NSMCE2: variants seen among roughly 807,000 people sequenced by gnomAD.
NSMCE2 encodes E3 SUMO-protein ligase NSE2.
Under a neutral mutation model 23.8 loss-of-function variants are expected in NSMCE2, and 24 were observed. The observed-to-expected ratio is 1.01, with a 90% confidence interval of 0.73 to 1.42. The LOEUF (loss-of-function observed/expected upper bound fraction) is 1.42. Ranked by LOEUF, NSMCE2 falls within the 40% of genes most tolerant of loss-of-function variation. NSMCE2 has a pLI of 0.00. For synonymous variants in NSMCE2, 92 were observed against 94.1 expected, an observed-to-expected ratio of 0.98 and a Z score of 0.13; for missense variants, 284 against 296.5, an observed-to-expected ratio of 0.96 and a Z score of 0.31.
At position 125,301,816 on chromosome 8, in the gene NSMCE2, A is replaced by G. The variant is rs558883999; in HGVS notation, c.419-55403A>G. On this transcript the variant is annotated intron_variant, in intron 5 of 7. Transcript: ENST00000287437. Reference sequence around the variant, plus strand: ...TAGCTGGGATTATAGGCACCAACCAACCATGCCCGGCTAATTTTTGTAGTT... The same window carrying G: ...TAGCTGGGATTATAGGCACCAACCAGCCATGCCCGGCTAATTTTTGTAGTT... Among the ~76,000 whole-genome samples the G allele has an allele frequency of 8.6e-5, 13 of 151,974 alleles. 1 individual carries two copies. The South Asian group carries it at 2.3e-3, about 27-fold the overall frequency.
At chr8:125,175,844 T>G (rs1822459670) in intron 4 of NSMCE2, among the ~76,000 whole-genome samples, 1 of 152,236 alleles carries the variant, frequency 6.6e-6, no homozygotes, top group Admixed American at 6.5e-5. Context: ...ATAAATACAT[T>G]TAATATTTGT....
At chr8:125,310,416 G>A (rs533138440) in intron 5 of NSMCE2, among the ~76,000 whole-genome samples, 12 of 152,242 alleles carry the variant, frequency 7.9e-5, no homozygotes, top group African/African-American at 2.6e-4. Flanking sequence ...GTTTGAAAGA[G>A]TACCTACCAT....
chr8:125,258,526 G>A (rs574911358), intron 5 of NSMCE2, among the ~76,000 whole-genome samples: 64 of 151,902 alleles, frequency 4.2e-4, no homozygotes, highest in Non-Finnish European at 8.5e-4. Flanking sequence ...TAGGAAAGCA[G>A]CCTCAGCCTG....
intron 1 of NSMCE2, among the ~76,000 whole-genome samples, chr8:125,094,808 GGAGA>G (rs764426636): frequency 6.6e-6 from 1 of 151,502 alleles, no homozygotes; most frequent in Non-Finnish European, 1.5e-5. Context: ...CACATGGTAG[GGAGA>G]GAGAGAGAGA....
intron 5 of NSMCE2, among the ~76,000 whole-genome samples, chr8:125,338,723 C>G (rs191874494): frequency 2.0e-5 from 3 of 152,206 alleles, no homozygotes; most frequent in Admixed American, 1.3e-4. Context: ...GGCAGCCTAC[C>G]CTTTCAAAAT....
In NSMCE2 at chr8:125,231,988, C is replaced by T. The variant is rs80345848; in HGVS notation, c.418+49732C>T. 9.8e-4 allele frequency among the ~76,000 whole-genome samples: 149 copies of T among 152,278 alleles called. 2 individuals carry two copies. In the East Asian group the frequency reaches 0.027, roughly 27 times the overall value. On this transcript the variant is annotated intron_variant, in intron 5 of 7. Transcript: ENST00000287437. ...AAAGTCACCTGACTCCTCTGAACCT[C>T]GTGTTTCTTTTTCATAAATTAGAAT...
intron 5 of NSMCE2, among the ~76,000 whole-genome samples, chr8:125,283,652 A>G (rs893326539): frequency 2.6e-5 from 4 of 152,226 alleles, no homozygotes; most frequent in African/African-American, 9.6e-5. Flanking sequence ...ATGAAATGCA[A>G]TTATGTATCA....
At chr8:125,109,117 G>A (rs895222017) in intron 3 of NSMCE2, among the ~76,000 whole-genome samples, 3 of 152,208 alleles carry the variant, frequency 2.0e-5, no homozygotes, top group African/African-American at 7.2e-5. Flanking sequence ...TTTGATTTGT[G>A]TGCTATGTAT....
At chr8:125,249,507 A>C (rs1826121494) in intron 5 of NSMCE2, among the ~76,000 whole-genome samples, 1 of 152,218 alleles carries the variant, frequency 6.6e-6, no homozygotes, top group Admixed American at 6.5e-5. Flanking sequence ...CACTTTGAAA[A>C]AATTTTGGGC....
At chr8:125,121,420 GT>G (rs1485514565) in intron 3 of NSMCE2, among the ~76,000 whole-genome samples, 1 of 152,156 alleles carries the variant, frequency 6.6e-6, no homozygotes, top group African/African-American at 2.4e-5. Flanking sequence ...TTAGGTAATT[GT>G]TAGCATTTTA....
intron 5 of NSMCE2, among the ~76,000 whole-genome samples, chr8:125,229,380 A>G (rs920452578): frequency 1.3e-5 from 2 of 152,172 alleles, no homozygotes; most frequent in Admixed American, 6.5e-5. Flanking sequence ...TTGAGCATGT[A>G]TCCCATACAA....
At chr8:125,130,875 C>T (rs966729345) in intron 3 of NSMCE2, among the ~76,000 whole-genome samples, 9 of 152,330 alleles carry the variant, frequency 5.9e-5, no homozygotes, top group African/African-American at 1.9e-4. Flanking sequence ...GTCCACTGTA[C>T]ATTTGCTTCT....
At position 125,150,214 on chromosome 8, in the gene NSMCE2, TTCA is replaced by T. The variant is rs779867637; in HGVS notation, c.158-954_158-952del. ...GGCAGCAGGGAGAGATTACTTTTGGTTCATCTTTATACAAAGAGTTGGGATCTC... is the reference window on the plus strand; with the variant it reads ...GGCAGCAGGGAGAGATTACTTTTGGTTCTTTATACAAAGAGTTGGGATCTC... On this transcript the variant is annotated intron_variant, in intron 3 of 7. Coordinates refer to ENST00000287437, the MANE Select transcript of NSMCE2 (RefSeq NM_173685.4). Among the ~76,000 whole-genome samples the T allele has an allele frequency of 1.6e-4, 25 of 152,290 alleles. 1 individual carries two copies. In the East Asian group the frequency reaches 2.5e-3, roughly 15 times the overall value.
At chr8:125,293,650 G>A (rs1828203970) in intron 5 of NSMCE2, among the ~76,000 whole-genome samples, 1 of 136,822 alleles carries the variant, frequency 7.3e-6, no homozygotes, top group Admixed American at 7.0e-5. Context: ...TGAGGTTGCT[G>A]AGACTTTTGA....
intron 1 of NSMCE2, among the ~76,000 whole-genome samples, chr8:125,101,537 C>G (rs1818188893): frequency 6.6e-6 from 1 of 152,210 alleles, no homozygotes; most frequent in South Asian, 2.1e-4. Context: ...GCCCTCCCAT[C>G]CCTTTAAAAC....
intron 5 of NSMCE2, among the ~76,000 whole-genome samples, chr8:125,240,217 C>T (rs895221840): frequency 1.1e-4 from 16 of 151,964 alleles, no homozygotes; most frequent in East Asian, 7.7e-4. Flanking sequence ...CTCCTCCTCC[C>T]GGGTTCAAGC....
intron 5 of NSMCE2, among the ~76,000 whole-genome samples, chr8:125,336,520 A>G (rs190110803): frequency 6.6e-5 from 10 of 152,306 alleles, no homozygotes; most frequent in Non-Finnish European, 8.8e-5. Context: ...AGAAGCTATG[A>G]GAGGATGATG....
chr8:125,343,173 G>A (rs957753713), intron 5 of NSMCE2, among the ~76,000 whole-genome samples: 3 of 152,096 alleles, frequency 2.0e-5, no homozygotes, highest in African/African-American at 7.2e-5. Context: ...GATTAGATTC[G>A]GGGTCAGTGG....
chr8:125,210,794 C>T (rs1272474841), intron 5 of NSMCE2, among the ~76,000 whole-genome samples: 4 of 152,094 alleles, frequency 2.6e-5, no homozygotes, highest in Admixed American at 1.3e-4. Context: ...GCTCACTGCT[C>T]ACTGCAACCT....
Sources: allele counts gnomAD v4.1 joint callset (sites outside exome capture counted in the v4.1 genomes callset), GRCh38; gene constraint gnomAD v4.1.1; transcripts MANE v1.5; gene names NCBI Gene and HGNC (gene_info 2026-07-23, HGNC 2026-07-21).